Variants in HYAL2 observed in about 807,000 individuals in gnomAD.
The protein encoded by HYAL2 is hyaluronidase-2.
HYAL2 carries 30 observed loss-of-function variants against 35.4 expected under a neutral mutation model. The observed-to-expected ratio is 0.85, with a 90% confidence interval of 0.63 to 1.15. HYAL2 has a LOEUF of 1.15. Among genes scored for constraint, HYAL2 ranks in the 50% most tolerant of loss-of-function variants. The probability of loss-of-function intolerance (pLI) is 0.00; values close to 1 mark genes in which losing one functional copy is unlikely to be tolerated. For synonymous variants in HYAL2, 262 were observed against 252.8 expected (o/e 1.04, Z -0.34); for missense variants, 635 against 646.5 (o/e 0.98, Z 0.19).
chr3:50,321,083 A>G (rs4688733), intron 1 of HYAL2: 15,851 of 152,256 alleles, frequency 0.1, 2,289 homozygotes, highest in East Asian at 0.6. Context: ...GAGGCCCCGT[A>G]GGGACAAAGG....
At chr3:50,321,747 C>T (rs1219041088) in intron 1 of HYAL2, 1 of 148,826 alleles carries the variant, frequency 6.7e-6, no homozygotes, top group East Asian at 2.0e-4. Context: ...GTGGTTCAGT[C>T]CTCCCAGCTC....
chr3:50,319,869 G>A lies in HYAL2; in HGVS notation c.621C>T (p.Leu207=), dbSNP rs371625877. The change falls in exon 2 of 4, where the codon CTC becomes CTT. Residue 207 remains leucine, a synonymous_variant. Coordinates refer to ENST00000357750, the MANE Select transcript of HYAL2 (RefSeq NM_003773.5). The part of the protein sequence containing the change: ...VRPRHLWGFY[L]FPDCYNHDYV... ...AATCATGATTGTAGCAGTCAGGAAA[G>A]AGGTAGAAGCCCCAGAGGTGCCGGG... 1.6e-5 allele frequency: 26 copies of A among 1,613,602 alleles called. No individual in the cohort carries two copies. The highest frequency in any genetic ancestry group is 3.3e-5 in the Admixed American group (2 of 60,008).
Position 50,318,131 on chromosome 3 carries a change from A to G in HYAL2, c.1420T>C (p.Ter474GlnextTer5), listed in dbSNP as rs1575528547. Residue 474 changes from the stop codon to glutamine, a stop_lost, in exon 4 of 4, where the codon TAG becomes CAG. Transcript: ENST00000357750. This position sits in a 1 kb window ranked among gnomAD's most constrained non-coding sequence, Gnocchi z 4.5. ...CTAGGCAGCTAGGCAGGAGACCCCTACAAGGTCCAGGTAAAGGCCAGGGCT... is the reference window on the plus strand; with the variant it reads ...CTAGGCAGCTAGGCAGGAGACCCCTGCAAGGTCCAGGTAAAGGCCAGGGCT... ...LAALAFTWTL[*>Q] 1 of 1,557,938 alleles carries G rather than the reference A, an allele frequency of 6.4e-7. No individual in the cohort carries two copies. Among genetic ancestry groups the G allele is most frequent in the Admixed American group, 1.8e-5 (1 of 54,288 alleles).
chr3:50,318,038 C>G lies in HYAL2; in HGVS notation c.*91G>C. On this transcript the variant is annotated 3_prime_UTR_variant, in exon 4 of 4. Coordinates refer to ENST00000357750, the MANE Select transcript of HYAL2 (RefSeq NM_003773.5). The surrounding 1 kb of genome is among the most constrained non-coding windows in gnomAD (Gnocchi z 4.5). ...TCCTGGGGGCTCTGCCCACTCCAGA[C>G]TCCAGTTTGTCCACCCCCTGCAGGG... 7.1e-7 allele frequency: 1 copy of G among 1,398,790 alleles called. No individual in the cohort carries two copies. The highest frequency in any genetic ancestry group is 1.4e-5 in the South Asian group (1 of 71,286). The allele number at this position is 1,398,790 out of a possible 1,614,324, so 86.6% of individuals were successfully genotyped here.
Position 50,318,150 on chromosome 3 carries a change from C to A in HYAL2, c.1401G>T (p.Leu467=). 1 of 1,578,190 alleles carries A rather than the reference C, an allele frequency of 6.3e-7. No individual in the cohort carries two copies. Among genetic ancestry groups the A allele is most frequent in the Non-Finnish European group, 8.6e-7 (1 of 1,160,500 alleles). ...ACCCCTACAAGGTCCAGGTAAAGGC[C>A]AGGGCTGCCAGAGCCAGCAGACTGG... ...HLTSLLALAA[L]AFTWTL is the part of the protein sequence containing the mutation. The change falls in exon 4 of 4, where the codon CTG becomes CTT. Residue 467 remains leucine (L), a synonymous_variant. Transcript: ENST00000357750. This position sits in a 1 kb window ranked among gnomAD's most constrained non-coding sequence, Gnocchi z 4.5.
chr3:50,319,512 A>G, intron 2 of HYAL2, 57 bp downstream of exon 2: 1 of 1,483,638 alleles, frequency 6.7e-7, no homozygotes, highest in Admixed American at 2.1e-5. Context: ...TGATAACCCA[A>G]ATGTGCAGTG....
chr3:50,318,903 T>TA lies in HYAL2; in HGVS notation c.1011+52dup. 6.6e-7 allele frequency: 1 copy of TA among 1,505,168 alleles called. No individual in the cohort carries two copies. The highest frequency in any genetic ancestry group is 9.2e-7 in the Non-Finnish European group (1 of 1,081,682). 93.2% of individuals were successfully genotyped at this position (1,505,168 alleles called of 1,614,324 possible). On this transcript the variant is annotated intron_variant, in intron 3 of 3. Transcript: ENST00000357750. This position sits in a 1 kb window ranked among gnomAD's most constrained non-coding sequence, Gnocchi z 4.5. ...ACCTGAGGTTGGTAGCCAAAGGCCC[T>TA]AACTCTCTGTCTGTCCCATAGACTG...
In HYAL2 at chr3:50,318,434, G is replaced by A; in HGVS notation, c.1117C>T (p.His373Tyr). 1.2e-6 allele frequency: 2 copies of A among 1,613,222 alleles called. No individual in the cohort carries two copies. The highest frequency in any genetic ancestry group is 1.1e-5 in the South Asian group (1 of 91,088). The change falls in exon 4 of 4, where the codon CAT becomes TAT. Residue 373 changes from histidine (H) to tyrosine (Y), a missense_variant. Coordinates refer to ENST00000357750, the MANE Select transcript of HYAL2 (RefSeq NM_003773.5). The surrounding 1 kb of genome is among the most constrained non-coding windows in gnomAD (Gnocchi z 4.5). Reference sequence around the variant, plus strand: ...GGGTTGCGGCGCACACAGCGCCCATGGCCATGGCACTGGGCCCGGCTGCAA... The same window carrying A: ...GGGTTGCGGCGCACACAGCGCCCATAGCCATGGCACTGGGCCCGGCTGCAA... Reference protein sequence around the residue: ...QYCSRAQCHGHGRCVRRNPSA... With the variant: ...QYCSRAQCHGYGRCVRRNPSA...
In HYAL2 at chr3:50,318,047, G is replaced by C; in HGVS notation, c.*82C>G. ...CTCTGCCCACTCCAGACTCCAGTTT[G>C]TCCACCCCCTGCAGGGTCCTACATG... On this transcript the variant is annotated 3_prime_UTR_variant, in exon 4 of 4. Coordinates refer to ENST00000357750, the MANE Select transcript of HYAL2 (RefSeq NM_003773.5). The surrounding 1 kb of genome is among the most constrained non-coding windows in gnomAD (Gnocchi z 4.5). 6.9e-7 allele frequency: 1 copy of C among 1,443,512 alleles called. No homozygotes were observed. The highest frequency in any genetic ancestry group is 2.3e-5 in the East Asian group (1 of 43,090). The allele number at this position is 1,443,512 out of a possible 1,614,324, so 89.4% of individuals were successfully genotyped here. A position where few individuals can be genotyped will look rare whatever the true frequency, so the allele number is the denominator to read the frequency against.
At position 50,320,402 on chromosome 3, in the gene HYAL2, T is replaced by C. The variant is rs371492352; in HGVS notation, c.88A>G (p.Ile30Val). ...AMELKPTAPP[I>V]FTGRPFVVAW... ...ACCACAAAGGGCCGGCCAGTGAAGATGGGTGGTGCTGTGGGCTTGAGCTCC... is the reference window on the plus strand; with the variant it reads ...ACCACAAAGGGCCGGCCAGTGAAGACGGGTGGTGCTGTGGGCTTGAGCTCC... The change falls in exon 2 of 4, where the codon ATC (isoleucine) becomes GTC (valine). Residue 30 changes from isoleucine to valine, a missense_variant. Coordinates refer to ENST00000357750, the MANE Select transcript of HYAL2 (RefSeq NM_003773.5). The surrounding 1 kb of genome is among the most constrained non-coding windows in gnomAD (Gnocchi z 4.8). The C allele has an allele frequency of 3.1e-6, 5 of 1,609,676 alleles. No homozygotes were observed. The highest frequency in any genetic ancestry group is 2.7e-5 in the African/African-American group (2 of 75,020).
chr3:50,319,430 G>C, intron 2 of HYAL2, 139 bp downstream of exon 2: 1 of 745,574 alleles, frequency 1.3e-6, no homozygotes, highest in Non-Finnish European at 2.2e-6. Flanking sequence ...CACCCTTTCA[G>C]GTTATAGACA....
rs1323722077 is a variant in HYAL2, at chr3:50,320,433, C to T, written c.57G>A (p.Trp19Ter). Reference sequence around the variant, plus strand: ...GTGCTGTGGGCTTGAGCTCCATGGCCCATGACACCGCCAGCACCAGGGCCA... The same window carrying T: ...GTGCTGTGGGCTTGAGCTCCATGGCTCATGACACCGCCAGCACCAGGGCCA... Reference protein sequence around the residue: ...VTLALVLAVSWAMELKPTAPP... With the variant: ...VTLALVLAVS Residue 19 changes from tryptophan (W) to a stop codon, truncating the protein, a stop_gained, in exon 2 of 4, where the codon TGG becomes TGA. Transcript: ENST00000357750. LOFTEE classifies it high-confidence loss of function. The surrounding 1 kb of genome is among the most constrained non-coding windows in gnomAD (Gnocchi z 4.8). 6.3e-7 allele frequency: 1 copy of T among 1,591,904 alleles called. No individual in the cohort carries two copies. The highest frequency in any genetic ancestry group is 8.6e-7 in the Non-Finnish European group (1 of 1,167,738).
rs35455589 is a variant in HYAL2 at position 50,318,299 on chromosome 3, T to G, written c.1252A>C (p.Ile418Leu). Reference sequence around the variant, plus strand: ...CGGAAGTGTGTCTGCAGGTGGTCAATGTCGGCCCAACTGAGCTCCCCCACA... The same window carrying G: ...CGGAAGTGTGTCTGCAGGTGGTCAAGGTCGGCCCAACTGAGCTCCCCCACA... ...RPVGELSWAD[I>L]DHLQTHFRCQ... is the part of the protein sequence containing the mutation. Residue 418 changes from isoleucine (I) to leucine (L), a missense_variant, in exon 4 of 4, where the codon ATT (isoleucine) becomes CTT (leucine). Transcript: ENST00000357750. This position sits in a 1 kb window ranked among gnomAD's most constrained non-coding sequence, Gnocchi z 4.5. The G allele has an allele frequency of 0.043, 69,789 of 1,613,504 alleles. 13,055 individuals are homozygous for G. The East Asian group carries it at 0.54, about 13-fold the overall frequency.
In HYAL2 at chr3:50,322,618, TG is replaced by T. The variant is rs1309135344; in HGVS notation, c.-47+34del. 2.6e-5 allele frequency: 4 copies of T among 152,182 alleles called. No homozygotes were observed. The highest frequency in any genetic ancestry group is 4.4e-5 in the Non-Finnish European group (3 of 68,042). 9.4% of individuals were successfully genotyped at this position (152,182 alleles called of 1,614,324 possible). On this transcript the variant is annotated intron_variant, in intron 1 of 3. Coordinates refer to ENST00000357750, the MANE Select transcript of HYAL2 (RefSeq NM_003773.5). This position sits in a 1 kb window ranked among gnomAD's most constrained non-coding sequence, Gnocchi z 5.5. ...GGGAGTGCAACTGCGAGCGCATCTG[TG>T]GGGGTGCAGACCAGCCGTCTGCTCT...
chr3:50,319,982 G>A lies in HYAL2; in HGVS notation c.508C>T (p.Arg170Cys), dbSNP rs1702649521. 1.2e-6 allele frequency: 2 copies of A among 1,613,296 alleles called. No homozygotes were observed. Among genetic ancestry groups the A allele is most frequent in the Admixed American group, 1.7e-5 (1 of 59,996 alleles). The change falls in exon 2 of 4, where the codon CGC (arginine) becomes TGC (cysteine). Residue 170 changes from arginine (R) to cysteine (C), a missense_variant. Physicochemically the swap from Arg to Cys is radical, Grantham distance 180 (BLOSUM62 -3). Coordinates refer to ENST00000357750, the MANE Select transcript of HYAL2 (RefSeq NM_003773.5). ...ASRHPDWPPD[R>C]IVKQAQYEFE... ...TCATATTGTGCCTGTTTGACTATGC[G>A]GTCTGGAGGCCAGTCAGGGTGACGA...
chr3:50,320,899 A>T lies in HYAL2; in HGVS notation c.-46-364T>A. ...ATGCCCACCCTGTACACCGTGAAGAACCCTTGATCCAGAGAAACGACAGCA... is the reference window on the plus strand; with the variant it reads ...ATGCCCACCCTGTACACCGTGAAGATCCCTTGATCCAGAGAAACGACAGCA... On this transcript the variant is annotated intron_variant, in intron 1 of 3. Transcript: ENST00000357750. This position sits in a 1 kb window ranked among gnomAD's most constrained non-coding sequence, Gnocchi z 4.8. The T allele has an allele frequency of 5.9e-6, 1 of 170,834 alleles. No individual in the cohort carries two copies. The highest frequency in any genetic ancestry group is 1.8e-4 in the South Asian group (1 of 5,418). The allele number at this position is 170,834 out of a possible 1,614,324, so 10.6% of individuals were successfully genotyped here. A position where few individuals can be genotyped will look rare whatever the true frequency, so the allele number is the denominator to read the frequency against.
Position 50,319,642 on chromosome 3 carries a change from T to C in HYAL2, c.848A>G (p.His283Arg), listed in dbSNP as rs1575530233. 4 of 1,613,718 alleles carry C rather than the reference T, an allele frequency of 2.5e-6. No homozygotes were observed. The highest frequency in any genetic ancestry group is 1.3e-5 in the African/African-American group (1 of 74,988). The change falls in exon 2 of 4, where the codon CAT (histidine) becomes CGT (arginine). Residue 283 changes from histidine (H) to arginine (R), a missense_variant. Coordinates refer to ENST00000357750, the MANE Select transcript of HYAL2 (RefSeq NM_003773.5). Reference protein sequence around the residue: ...QEALRVARTHHANHALPVYVF... With the variant: ...QEALRVARTHRANHALPVYVF... Reference sequence around the variant, plus strand: ...GTAGACTGGGAGTGCATGGTTGGCATGGTGGGTGCGAGCCACACGAAGGGC... The same window carrying C: ...GTAGACTGGGAGTGCATGGTTGGCACGGTGGGTGCGAGCCACACGAAGGGC...
intron 1 of HYAL2, chr3:50,321,626 G>A (rs1238297128): frequency 2.0e-5 from 3 of 152,128 alleles, no homozygotes; most frequent in African/African-American, 7.2e-5. Context: ...TCTGCAGAGG[G>A]ACGTGGCCGC....
chr3:50,319,026 A>G lies in HYAL2; in HGVS notation c.941T>C (p.Ile314Thr), dbSNP rs782323542. Residue 314 changes from isoleucine (I) to threonine (T), a missense_variant, in exon 3 of 4, where the codon ATT (isoleucine) becomes ACT (threonine). By Grantham distance (89) the Ile-to-Thr change is moderately conservative. Coordinates refer to ENST00000357750, the MANE Select transcript of HYAL2 (RefSeq NM_003773.5). ...TGCGCCCAGGGCCGCACTCTCGCCAATGGTAGAGATGAGGTCCATCTATGC... is the reference window on the plus strand; with the variant it reads ...TGCGCCCAGGGCCGCACTCTCGCCAGTGGTAGAGATGAGGTCCATCTATGC... ...GLSEMDLIST[I>T]GESAALGAAG... 3.1e-6 allele frequency: 5 copies of G among 1,604,798 alleles called. No homozygotes were observed. Among genetic ancestry groups the G allele is most frequent in the African/African-American group, 1.3e-5 (1 of 74,714 alleles).
Sources: allele counts gnomAD v4.1 joint callset, GRCh38; gene constraint gnomAD v4.1.1; non-coding constraint Gnocchi (gnomAD v3.1); transcripts MANE v1.5; gene names NCBI Gene and HGNC (gene_info 2026-07-23, HGNC 2026-07-21).